ARHGAP8: variants seen among roughly 807,000 people sequenced by gnomAD.
The protein encoded by ARHGAP8 is Rho GTPase activating protein 8, also known as rho GTPase-activating protein 8.
Under a neutral mutation model 46.1 loss-of-function variants are expected in ARHGAP8, and 62 were observed. The ratio of observed to expected loss-of-function variants is 1.34; its 90% CI spans 1.10 to 1.66. The LOEUF is 1.66. ARHGAP8 is among the 40% of genes most tolerant of loss of function. The pLI is 0.00. For synonymous variants in ARHGAP8, 375 were observed against 243.1 expected (o/e 1.54, Z -5.05); for missense variants, 923 against 568.4 (o/e 1.62, Z -6.34).
At chr22:44,835,249 A>T (rs1012455823) in intron 7 of ARHGAP8, among the ~76,000 whole-genome samples, 7 of 147,952 alleles carry the variant, frequency 4.7e-5, no homozygotes, top group Middle Eastern at 3.5e-3. Flanking sequence ...ATATATATAT[A>T]TTTAAAGTAT....
chr22:44,778,467 G>A (rs1037720752), intron 1 of ARHGAP8, among the ~76,000 whole-genome samples: 18 of 152,120 alleles, frequency 1.2e-4, no homozygotes, highest in African/African-American at 3.4e-4. Context: ...TTGCGATTGC[G>A]AATTGTGCTG....
At chr22:44,845,546 C>G (rs1005381855) in intron 8 of ARHGAP8, among the ~76,000 whole-genome samples, 3 of 118,290 alleles carry the variant, frequency 2.5e-5, no homozygotes, top group South Asian at 2.5e-4. Flanking sequence ...AGCTGTGTGA[C>G]CTGGGGCAGT....
At chr22:44,855,615 T>TTTTTG (rs762945839) in intron 10 of ARHGAP8, among the ~76,000 whole-genome samples, 10 of 152,286 alleles carry the variant, frequency 6.6e-5, no homozygotes, top group South Asian at 2.1e-4. Flanking sequence ...TTAACCTTGT[T>TTTTTG]TTTTGTTTTG....
chr22:44,839,365 C>T (rs190533347), intron 7 of ARHGAP8, among the ~76,000 whole-genome samples: 1 of 152,176 alleles, frequency 6.6e-6, no homozygotes, highest in African/African-American at 2.4e-5. Flanking sequence ...TGAAACCAAA[C>T]CACCCATCGA....
intron 7 of ARHGAP8, among the ~76,000 whole-genome samples, chr22:44,841,869 G>A (rs1431540523): frequency 6.6e-6 from 1 of 152,206 alleles, no homozygotes; most frequent in East Asian, 1.9e-4. Context: ...GCAGGGAGGT[G>A]ACTGCCCTCC....
rs546543577 is a variant in ARHGAP8 at position 44,786,248 on chromosome 22, G to T, written c.-71-209G>T. 66 of 663,446 alleles carry T rather than the reference G, an allele frequency of 9.9e-5. 1 individual carries two copies. In the South Asian group the frequency reaches 1.1e-3, roughly 11 times the overall value. 41.1% of individuals were successfully genotyped at this position (663,446 alleles called of 1,614,324 possible). On this transcript the variant is annotated intron_variant, in intron 1 of 11. Transcript: ENST00000356099. ...GTGTATAATGGGTGCTCGGCTGAGGGAGGGCGCGTACTGGGTGCTCGGCTG... is the reference window on the plus strand; with the variant it reads ...GTGTATAATGGGTGCTCGGCTGAGGTAGGGCGCGTACTGGGTGCTCGGCTG...
intron 5 of ARHGAP8, 46 bp from the exon 6 acceptor site, chr22:44,822,325 T>C (rs542310902): frequency 6.5e-7 from 1 of 1,539,710 alleles, no homozygotes; most frequent in South Asian, 1.3e-5. Context: ...TCGGCCTCTC[T>C]GCTGGCGCCT....
At chr22:44,796,239 G>C (rs1226974972) in intron 2 of ARHGAP8, among the ~76,000 whole-genome samples, 5 of 152,172 alleles carry the variant, frequency 3.3e-5, no homozygotes, top group Non-Finnish European at 7.3e-5. Flanking sequence ...ACTGCCCGCC[G>C]TCCCTGCTTC....
chr22:44,818,904 G>A (rs1009633662), intron 5 of ARHGAP8, among the ~76,000 whole-genome samples: 1 of 152,038 alleles, frequency 6.6e-6, no homozygotes, highest in East Asian at 1.9e-4. Flanking sequence ...TCGCTATGTT[G>A]CCCAGGCTGG....
rs542484591 is a variant in ARHGAP8 at position 44,777,798 on chromosome 22, C to T, written c.-71-8659C>T. 2.9e-3 allele frequency among the ~76,000 whole-genome samples: 437 copies of T among 152,216 alleles called. 1 individual carries two copies. The highest frequency in any genetic ancestry group is 0.01 in the African/African-American group (418 of 41,554). Reference sequence around the variant, plus strand: ...GCAACCTCCGCCTCCCGGGCTCAAGCGGTTCTCCTGCCTGACCCTCCCAAG... The same window carrying T: ...GCAACCTCCGCCTCCCGGGCTCAAGTGGTTCTCCTGCCTGACCCTCCCAAG... On this transcript the variant is annotated intron_variant, in intron 1 of 11. Transcript: ENST00000356099.
At chr22:44,854,840 G>T (rs1486761917) in intron 10 of ARHGAP8, among the ~76,000 whole-genome samples, 1 of 152,114 alleles carries the variant, frequency 6.6e-6, no homozygotes, top group Non-Finnish European at 1.5e-5. Flanking sequence ...GTTTCACCAT[G>T]TTGCCATGTT....
chr22:44,859,605 A>C (rs555013098), intron 10 of ARHGAP8, 126 bp from the exon 11 acceptor site: 77 of 1,030,720 alleles, frequency 7.5e-5, no homozygotes, highest in Non-Finnish European at 1.0e-4. Context: ...GGGGGTCCCA[A>C]GCCCAAATGT....
intron 7 of ARHGAP8, among the ~76,000 whole-genome samples, chr22:44,844,943 C>T (rs1303785245): frequency 6.6e-6 from 1 of 152,172 alleles, no homozygotes; most frequent in Non-Finnish European, 1.5e-5. Flanking sequence ...TCTAGAATGC[C>T]CTTCTCTCTT....
rs116318694 is a variant in ARHGAP8, at chr22:44,849,065, G to A, written c.877+5G>A. 1,268 of 1,613,690 alleles carry A rather than the reference G, an allele frequency of 7.9e-4. 4 individuals carry two copies. The African/African-American group carries it at 0.014, about 18-fold the overall frequency. On this transcript the variant is annotated splice_donor_5th_base_variant and intron_variant, in intron 10 of 11. Coordinates refer to ENST00000356099, the MANE Select transcript of ARHGAP8 (RefSeq NM_181335.3). The stretch of plus-strand genomic sequence containing the variant: ...AGCAGATTCTCGGGATCACCTGTGC[G>A]TAGCTGCCCTGGCGCAGGGGTGGGG...
At chr22:44,856,278 T>C (rs1461767521) in intron 10 of ARHGAP8, among the ~76,000 whole-genome samples, 1 of 66,896 alleles carries the variant, frequency 1.5e-5, no homozygotes, top group Non-Finnish European at 3.2e-5. Flanking sequence ...TTTTTTTTTT[T>C]TTTTTTTTTT....
chr22:44,786,443 C>G lies in ARHGAP8; in HGVS notation c.-71-14C>G. ...GGAGAATGCACTGACTTCCTTTAAT[C>G]TTCTTTGCCGCAGAGCTGCAGAGAG... is the stretch of plus-strand genomic sequence containing the variant. On this transcript the variant is annotated splice_polypyrimidine_tract_variant and intron_variant, in intron 1 of 11. Coordinates refer to ENST00000356099, the MANE Select transcript of ARHGAP8 (RefSeq NM_181335.3). The G allele has an allele frequency of 4.4e-6, 5 of 1,132,928 alleles. No individual in the cohort carries two copies. Among genetic ancestry groups the G allele is most frequent in the Non-Finnish European group, 5.9e-6 (5 of 851,762 alleles). The allele number at this position is 1,132,928 out of a possible 1,614,324, so 70.2% of individuals were successfully genotyped here.
rs149407754 is a variant in ARHGAP8, at chr22:44,826,331, G to A, written c.596+738G>A. Among the ~76,000 whole-genome samples the A allele has an allele frequency of 9.2e-5, 14 of 152,292 alleles. No homozygotes were observed. In the East Asian group the frequency reaches 1.7e-3, roughly 19 times the overall value. On this transcript the variant is annotated intron_variant, in intron 7 of 11. Transcript: ENST00000356099. ...CTGAGATTTAAGGGTCATTGTTACC[G>A]CAGCGTAACCTGTCCTTCCTAATAC...
At chr22:44,856,848 T>G (rs1159474757) in intron 10 of ARHGAP8, among the ~76,000 whole-genome samples, 1 of 143,772 alleles carries the variant, frequency 7.0e-6, no homozygotes, top group African/African-American at 2.8e-5. Context: ...GCTCTGCTGG[T>G]CCAAATTCAG....
At chr22:44,858,548 TTTTA>T (rs1476762809) in intron 10 of ARHGAP8, among the ~76,000 whole-genome samples, 10,020 of 139,922 alleles carry the variant, frequency 0.072, 591 homozygotes, top group Non-Finnish European at 0.094. Flanking sequence ...TTTTTTTTTT[TTTTA>T]AGTAACAGGG....
Sources: allele counts gnomAD v4.1 joint callset (sites outside exome capture counted in the v4.1 genomes callset), GRCh38; gene constraint gnomAD v4.1.1; transcripts MANE v1.5; gene names NCBI Gene and HGNC (gene_info 2026-07-23, HGNC 2026-07-21).